Variants in CAMK4 observed in about 807,000 individuals in gnomAD.
The protein encoded by CAMK4 is calcium/calmodulin dependent protein kinase IV, also known as calcium/calmodulin-dependent protein kinase type IV.
CAMK4 carries 22 observed loss-of-function variants against 44.9 expected under a neutral mutation model. The observed-to-expected ratio is 0.49, with a 90% CI of 0.35 to 0.70. The LOEUF is 0.70. Among genes scored for constraint, CAMK4 ranks in the 30% least tolerant of loss-of-function variants. CAMK4 has a pLI of 0.01. For synonymous variants in CAMK4, 218 were observed against 215.4 expected (o/e 1.01, Z -0.11); for missense variants, 498 against 586.8 (o/e 0.85, Z 1.56).
At chr5:111,262,470 A>G (rs939501027) in intron 1 of CAMK4, among the ~76,000 whole-genome samples, 1 of 152,180 alleles carries the variant, frequency 6.6e-6, no homozygotes, top group Non-Finnish European at 1.5e-5. Context: ...TAGAATATTT[A>G]TGTCTTAAAG....
rs536252686 is a variant in CAMK4, at chr5:111,470,972, G to A, written c.626-2339G>A. On this transcript the variant is annotated intron_variant, in intron 7 of 10. Transcript: ENST00000282356. ...GAGCATCCAAAAAAACCATTGCCAT[G>A]ACACTTGCTCTTTACCAATCTGCTT... Among the ~76,000 whole-genome samples the A allele has an allele frequency of 7.9e-5, 12 of 152,318 alleles. No individual in the cohort carries two copies. The South Asian group carries it at 1.5e-3, about 18-fold the overall frequency.
At chr5:111,404,385 A>T (rs886962192) in intron 5 of CAMK4, among the ~76,000 whole-genome samples, 2 of 152,228 alleles carry the variant, frequency 1.3e-5, no homozygotes, top group Non-Finnish European at 2.9e-5. Context: ...TACTGAAATC[A>T]GTCTCTTGTA....
At chr5:111,244,177 T>C (rs962088801) in intron 1 of CAMK4, among the ~76,000 whole-genome samples, 5 of 152,236 alleles carry the variant, frequency 3.3e-5, no homozygotes, top group African/African-American at 4.8e-5. Flanking sequence ...TCCTGAATTA[T>C]TTCAGAATAC....
chr5:111,493,785 G>C lies in CAMK4; in HGVS notation c.*9319G>C, dbSNP rs1348617941. On this transcript the variant is annotated 3_prime_UTR_variant, in exon 11 of 11. Coordinates refer to ENST00000282356, the MANE Select transcript of CAMK4 (RefSeq NM_001744.6). The surrounding 1 kb of genome is among the most constrained non-coding windows in gnomAD (Gnocchi z 4.1). ...AACTTGGGAGACATTTAGACATTTA[G>C]TATGTGTACTTTTAGTTGTCTTGCC... The C allele has an allele frequency of 6.6e-6, 1 of 152,114 alleles. No homozygotes were observed. The highest frequency in any genetic ancestry group is 1.5e-5 in the Non-Finnish European group (1 of 68,022). 9.4% of individuals were successfully genotyped at this position (152,114 alleles called of 1,614,324 possible).
At chr5:111,426,134 T>C (rs1236194583) in intron 5 of CAMK4, among the ~76,000 whole-genome samples, 1 of 152,196 alleles carries the variant, frequency 6.6e-6, no homozygotes, top group East Asian at 1.9e-4. Context: ...TCTCTGGTTT[T>C]GTATTTCATT....
intron 2 of CAMK4, chr5:111,358,266 C>CT (rs892640565): frequency 3.9e-5 from 6 of 152,196 alleles, no homozygotes; most frequent in Non-Finnish European, 8.8e-5. Flanking sequence ...GAAGGAAAAA[C>CT]AACTGGGAAC....
chr5:111,409,124 CT>C (rs930159210), intron 5 of CAMK4, among the ~76,000 whole-genome samples: 8 of 152,162 alleles, frequency 5.3e-5, no homozygotes, highest in African/African-American at 1.9e-4. Flanking sequence ...AGGCAGTGCC[CT>C]GGTGAGGACT....
At position 111,491,630 on chromosome 5, in the gene CAMK4, T is replaced by G. The variant is rs1755838792; in HGVS notation, c.*7164T>G. On this transcript the variant is annotated 3_prime_UTR_variant, in exon 11 of 11. Transcript: ENST00000282356. ...AAGAAAAGAAATTTAGAGTATGAAT[T>G]GAGTTGGTTGAGAGTAGAATTAAAA... 6.6e-6 allele frequency: 1 copy of G among 152,102 alleles called. No individual in the cohort carries two copies. The highest frequency in any genetic ancestry group is 1.5e-5 in the Non-Finnish European group (1 of 68,020). 9.4% of individuals were successfully genotyped at this position (152,102 alleles called of 1,614,324 possible). A position where few individuals can be genotyped will look rare whatever the true frequency, so the allele number is the denominator to read the frequency against.
intron 7 of CAMK4, among the ~76,000 whole-genome samples, chr5:111,453,412 G>A (rs1487321723): frequency 6.6e-6 from 1 of 152,158 alleles, no homozygotes; most frequent in Non-Finnish European, 1.5e-5. Flanking sequence ...CTGAAGATCA[G>A]TTCTAGCCCT....
intron 1 of CAMK4, among the ~76,000 whole-genome samples, chr5:111,292,568 T>C (rs889982904): frequency 6.6e-6 from 1 of 152,118 alleles, no homozygotes; most frequent in African/African-American, 2.4e-5. Flanking sequence ...TTTAATAGCA[T>C]AGTGAGAAAA....
At chr5:111,475,080 G>A (rs959358934) in intron 8 of CAMK4, among the ~76,000 whole-genome samples, 10 of 152,086 alleles carry the variant, frequency 6.6e-5, no homozygotes, top group Non-Finnish European at 8.8e-5. Context: ...GGAGAATGGC[G>A]TGAACCCAGG....
chr5:111,456,278 GA>G (rs1370721695), intron 7 of CAMK4, among the ~76,000 whole-genome samples: 2 of 152,004 alleles, frequency 1.3e-5, no homozygotes, highest in African/African-American at 4.8e-5. Context: ...GAGGCGGGTG[GA>G]TCATGAGGTC....
chr5:111,364,556 C>G (rs1026653046), intron 2 of CAMK4, among the ~76,000 whole-genome samples: 2 of 152,072 alleles, frequency 1.3e-5, no homozygotes, highest in Non-Finnish European at 2.9e-5. Flanking sequence ...AGGTAACTCC[C>G]TTTGGAGATG....
intron 1 of CAMK4, among the ~76,000 whole-genome samples, chr5:111,332,987 TCAA>T (rs1749236885): frequency 6.6e-6 from 1 of 151,626 alleles, no homozygotes; most frequent in African/African-American, 2.4e-5. Context: ...ACTGTGTTAA[TCAA>T]CAATAATAGA....
chr5:111,389,490 T>A (rs1322742337), intron 4 of CAMK4, among the ~76,000 whole-genome samples: 3 of 152,192 alleles, frequency 2.0e-5, no homozygotes, highest in African/African-American at 7.2e-5. Flanking sequence ...ACCTACTTTA[T>A]GAAGAGTGAT....
At chr5:111,242,936 G>A (rs192826712) in intron 1 of CAMK4, among the ~76,000 whole-genome samples, 88 of 152,218 alleles carry the variant, frequency 5.8e-4, no homozygotes, top group Non-Finnish European at 7.5e-4. Flanking sequence ...TGGCTCAGAT[G>A]CAGGCAGCCT....
At chr5:111,389,976 T>TC (rs760637448) in intron 4 of CAMK4, among the ~76,000 whole-genome samples, 1 of 152,250 alleles carries the variant, frequency 6.6e-6, no homozygotes, top group Admixed American at 6.5e-5. Context: ...GTACTTCTTT[T>TC]CCCCTTCCCT....
intron 5 of CAMK4, among the ~76,000 whole-genome samples, chr5:111,415,470 G>C (rs937228013): frequency 2.0e-5 from 3 of 152,186 alleles, no homozygotes; most frequent in African/African-American, 7.2e-5. Flanking sequence ...GTGAAAAGGT[G>C]ATCATTATTG....
intron 1 of CAMK4, among the ~76,000 whole-genome samples, chr5:111,269,675 C>T (rs1750417492): frequency 6.6e-6 from 1 of 152,190 alleles, no homozygotes; most frequent in African/African-American, 2.4e-5. Flanking sequence ...TTAGCACCTT[C>T]TCTCGTCCCT....
Sources: allele counts gnomAD v4.1 joint callset (sites outside exome capture counted in the v4.1 genomes callset), GRCh38; gene constraint gnomAD v4.1.1; non-coding constraint Gnocchi (gnomAD v3.1); transcripts MANE v1.5; gene names NCBI Gene and HGNC (gene_info 2026-07-23, HGNC 2026-07-21).